The following PALB2 variants were observed in gnomAD, a reference collection of about 807,000 sequenced individuals.
The protein encoded by PALB2 is mutant partner and localizer of BRCA2.
Under a neutral mutation model 107.4 loss-of-function variants are expected in PALB2, and 82 were observed. The ratio of observed to expected loss-of-function variants is 0.76; its 90% CI spans 0.64 to 0.92. The LOEUF (loss-of-function observed/expected upper bound fraction) is 0.92, where lower values mean the gene tolerates loss of function less well. Among genes scored for constraint, PALB2 ranks in the 40% least tolerant of loss-of-function variants. The pLI, the probability that PALB2 is intolerant of heterozygous loss-of-function variation, is 0.00. For synonymous variants in PALB2, 489 were observed against 496.8 expected, an observed-to-expected ratio of 0.98 and a Z score of 0.21; for missense variants, 1,374 against 1,379.9, an observed-to-expected ratio of 1.00 and a Z score of 0.07.
intron 10 of PALB2, among the ~76,000 whole-genome samples, chr16:23,620,751 T>A (rs1966757895): frequency 6.6e-6 from 1 of 152,118 alleles, no homozygotes; most frequent in African/African-American, 2.4e-5. Flanking sequence ...ATGTTGTTGG[T>A]AAGTCAAGTA....
chr16:23,635,631 T>C lies in PALB2; in HGVS notation c.915A>G (p.Val305=), dbSNP rs748881930. Residue 305 remains valine, a synonymous_variant, in exon 4 of 13, where the codon GTA becomes GTG. Coordinates refer to ENST00000261584, the MANE Select transcript of PALB2 (RefSeq NM_024675.4). ...GGCCACTTTTACTTATAGCTTTATT[T>C]ACAAGGAGGTTATCTGTAGAGACAG... The part of the protein sequence containing the change: ...KMTVSTDNLL[V]NKAISKSGQL... 3.1e-6 allele frequency: 5 copies of C among 1,614,148 alleles called. No homozygotes were observed. The South Asian group carries it at 3.3e-5, about 11-fold the overall frequency.
chr16:23,635,202 A>G lies in PALB2; in HGVS notation c.1344T>C (p.Ser448=), dbSNP rs1452869606. Reference sequence around the variant, plus strand: ...CCTCATTGGAAAGGTTTAAATTTTTACTTGCATCCTTATTTTTATTTTTAA... The same window carrying G: ...CCTCATTGGAAAGGTTTAAATTTTTGCTTGCATCCTTATTTTTATTTTTAA... ...KGFKNKNKDA[S]KNLNLSNEET... Residue 448 remains serine (S), a synonymous_variant, in exon 4 of 13, where the codon AGT becomes AGC. Transcript: ENST00000261584. 1 of 1,614,078 alleles carries G rather than the reference A, an allele frequency of 6.2e-7. No individual in the cohort carries two copies. Among genetic ancestry groups the G allele is most frequent in the Non-Finnish European group, 8.5e-7 (1 of 1,179,990 alleles).
intron 10 of PALB2, among the ~76,000 whole-genome samples, chr16:23,617,993 C>CAAAGAA (rs977163481): frequency 6.6e-6 from 1 of 151,844 alleles, no homozygotes. Flanking sequence ...CCTGCCTCTA[C>CAAAGAA]AAAGAAAAAG....
intron 5 of PALB2, 54 bp from the exon 6 acceptor site, chr16:23,629,329 T>C (rs1200054132): frequency 7.0e-7 from 1 of 1,434,470 alleles, no homozygotes; most frequent in African/African-American, 1.4e-5. Flanking sequence ...AATGTCTGCC[T>C]GCATTACCCA....
rs201861583 is a variant in PALB2 at position 23,628,088 on chromosome 16, G to A, written c.2586+1116C>T. ...AAAATACAAAAATTAGCAAGGCGTG[G>A]TGGCGCACACTTGTAATCCCAGCTA... On this transcript the variant is annotated intron_variant, in intron 6 of 12. Coordinates refer to ENST00000261584, the MANE Select transcript of PALB2 (RefSeq NM_024675.4). 2.0e-5 allele frequency among the ~76,000 whole-genome samples: 3 copies of A among 152,182 alleles called. No homozygotes were observed. The East Asian group carries it at 5.8e-4, about 29-fold the overall frequency.
chr16:23,617,560 A>G (rs1326764666), intron 10 of PALB2: 1 of 143,142 alleles, frequency 7.0e-6, no homozygotes, highest in Non-Finnish European at 1.5e-5. Context: ...TCTCTACAAA[A>G]AAAAATTAAA....
chr16:23,623,161 T>C, intron 8 of PALB2, 31 bp from the exon 9 acceptor site: 1 of 1,593,696 alleles, frequency 6.3e-7, no homozygotes, highest in Non-Finnish European at 8.6e-7. Context: ...AATGGGGTGA[T>C]GTGAGGAGTA....
At chr16:23,620,715 T>C (rs1027782122) in intron 10 of PALB2, among the ~76,000 whole-genome samples, 2 of 152,190 alleles carry the variant, frequency 1.3e-5, no homozygotes, top group Non-Finnish European at 2.9e-5. Context: ...AGACTGATCT[T>C]TTTTGGTTAT....
At chr16:23,621,585 GAA>G (rs200037631) in intron 9 of PALB2, 107 bp from the exon 10 acceptor site, 10 of 700,208 alleles carry the variant, frequency 1.4e-5, no homozygotes, top group Non-Finnish European at 2.3e-5. Flanking sequence ...CTAATATCAG[GAA>G]AAAAAAATCT....
rs1179133661 is a variant in PALB2 at position 23,603,262 on chromosome 16, C to CT, written c.*196dup. On this transcript the variant is annotated 3_prime_UTR_variant, in exon 13 of 13. Coordinates refer to ENST00000261584, the MANE Select transcript of PALB2 (RefSeq NM_024675.4). ...AAATTACAAAAATCAACCTAAAACCCTTTTTCTCAAAGTATACATAAATGT... is the reference window on the plus strand; with the variant it reads ...AAATTACAAAAATCAACCTAAAACCCTTTTTTCTCAAAGTATACATAAATGT... The CT allele has an allele frequency of 3.6e-6, 2 of 561,464 alleles. No homozygotes were observed. The highest frequency in any genetic ancestry group is 3.8e-5 in the African/African-American group (2 of 53,296). 34.8% of individuals were successfully genotyped at this position (561,464 alleles called of 1,614,324 possible). A position where few individuals can be genotyped will look rare whatever the true frequency, so the allele number is the denominator to read the frequency against.
chr16:23,625,365 C>G (rs1010729823), intron 7 of PALB2, among the ~76,000 whole-genome samples: 13 of 151,408 alleles, frequency 8.6e-5, no homozygotes, highest in African/African-American at 2.4e-5. Context: ...AAACCCATAT[C>G]TAGATAAACC....
intron 10 of PALB2, among the ~76,000 whole-genome samples, chr16:23,614,737 G>A (rs1966651216): frequency 7.8e-6 from 1 of 127,426 alleles, no homozygotes; most frequent in African/African-American, 3.0e-5. Context: ...TGCAAGCTCC[G>A]CCTCCCGGGT....
In PALB2 at chr16:23,635,105, G is replaced by A. The variant is rs2142415856; in HGVS notation, c.1441C>T (p.Leu481Phe). ...GAGCTGACTTTAGTTAATGAGAGAA[G>A]TTTCTGAGAGGTTCTTGAACTTGGT... The part of the protein sequence containing the change: ...GQPSSRTSQK[L>F]LSLTKVSSPA... The change falls in exon 4 of 13, where the codon CTT becomes TTT. Residue 481 changes from leucine (L) to phenylalanine (F), a missense_variant. Leu to Phe is a conservative substitution (Grantham distance 22). Transcript: ENST00000261584. The A allele has an allele frequency of 6.2e-7, 1 of 1,614,180 alleles. No individual in the cohort carries two copies. Among genetic ancestry groups the A allele is most frequent in the South Asian group, 1.1e-5 (1 of 91,074 alleles).
rs1178180566 is a variant in PALB2 at position 23,638,327 on chromosome 16, C to T, written c.49-198G>A. 9.6e-6 allele frequency: 6 copies of T among 625,986 alleles called. No homozygotes were observed. In the East Asian group the frequency reaches 1.1e-4, roughly 12 times the overall value. The allele number at this position is 625,986 out of a possible 1,614,324, so 38.8% of individuals were successfully genotyped here. On this transcript the variant is annotated intron_variant, in intron 1 of 12. Coordinates refer to ENST00000261584, the MANE Select transcript of PALB2 (RefSeq NM_024675.4). ...CATAACCTGTTCCTATCATCTGGAACATGTCCTTCCTTTGCCAATTCCTAC... is the reference window on the plus strand; with the variant it reads ...CATAACCTGTTCCTATCATCTGGAATATGTCCTTCCTTTGCCAATTCCTAC...
chr16:23,621,600 C>G, intron 9 of PALB2, 122 bp from the exon 10 acceptor site: 1 of 693,090 alleles, frequency 1.4e-6, no homozygotes, highest in Non-Finnish European at 2.6e-6. Flanking sequence ...AAAAATCTAA[C>G]CCAGAAAACG....
chr16:23,605,330 C>T (rs1966450417), intron 12 of PALB2, among the ~76,000 whole-genome samples: 1 of 152,160 alleles, frequency 6.6e-6, no homozygotes, highest in Non-Finnish European at 1.5e-5. Flanking sequence ...GTGCAAGCTT[C>T]ATGTATTGTA....
At chr16:23,640,887 G>T (rs1043466820) in intron 1 of PALB2, 1 of 592,322 alleles carries the variant, frequency 1.7e-6, no homozygotes, top group Non-Finnish European at 3.0e-6. Flanking sequence ...GTTACACATT[G>T]TATTAATGCG....
At chr16:23,632,425 C>T (rs527865132) in intron 4 of PALB2, among the ~76,000 whole-genome samples, 6 of 152,254 alleles carry the variant, frequency 3.9e-5, no homozygotes, top group African/African-American at 1.4e-4. Flanking sequence ...GCCTGGGCAA[C>T]AGAGTGACAC....
intron 10 of PALB2, among the ~76,000 whole-genome samples, chr16:23,620,060 A>G (rs1966746646): frequency 6.6e-6 from 1 of 152,174 alleles, no homozygotes; most frequent in Non-Finnish European, 1.5e-5. Context: ...GATTATAGGC[A>G]TGAGCCACCC....
Sources: allele counts gnomAD v4.1 joint callset (sites outside exome capture counted in the v4.1 genomes callset), GRCh38; gene constraint gnomAD v4.1.1; transcripts MANE v1.5; gene names NCBI Gene and HGNC (gene_info 2026-07-23, HGNC 2026-07-21).